Variants in CDC42SE2 observed in about 807,000 individuals in gnomAD.
The protein encoded by CDC42SE2 is CDC42 small effector protein 2.
Under a neutral mutation model 11.5 loss-of-function variants are expected in CDC42SE2, and 3 were observed. The ratio of observed to expected loss-of-function variants is 0.26; its 90% CI spans 0.12 to 0.67. CDC42SE2 has a LOEUF of 0.67. Ranked by LOEUF, CDC42SE2 falls within the 30% of genes least tolerant of loss-of-function variation. CDC42SE2 has a pLI of 0.80. For synonymous variants in CDC42SE2, 33 were observed against 34.8 expected, an observed-to-expected ratio of 0.95 and a Z score of 0.18; for missense variants, 82 against 106.8, an observed-to-expected ratio of 0.77 and a Z score of 1.02.
chr5:131,264,499 CCT>C (rs1194998577), intron 1 of CDC42SE2, among the ~76,000 whole-genome samples: 74 of 151,920 alleles, frequency 4.9e-4, no homozygotes, highest in African/African-American at 1.0e-3. Flanking sequence ...AGACCCCCCC[CCT>C]CCCCCCAACT....
chr5:131,321,906 G>A (rs1349117729), intron 2 of CDC42SE2, among the ~76,000 whole-genome samples: 3 of 152,116 alleles, frequency 2.0e-5, no homozygotes, highest in South Asian at 2.1e-4. Context: ...GCTGGAGTGC[G>A]GTGACGCGAT....
At chr5:131,259,900 G>A (rs950258573), upstream of CDC42SE2, among the ~76,000 whole-genome samples, 1 of 152,246 alleles carries the variant, frequency 6.6e-6, no homozygotes, top group Non-Finnish European at 1.5e-5. Context: ...CAGAAGAAAT[G>A]TTAGTGCCCC....
At chr5:131,307,657 G>A (rs1757808257) in intron 1 of CDC42SE2, among the ~76,000 whole-genome samples, 1 of 152,068 alleles carries the variant, frequency 6.6e-6, no homozygotes, top group African/African-American at 2.4e-5. Context: ...CTTCCACAAT[G>A]GTTGAACTAG....
At position 131,258,491 on chromosome 5, in the gene CDC42SE2, C is replaced by A. The variant is rs373286234; in HGVS notation, n.242+3262C>A. Among the ~76,000 whole-genome samples the A allele has an allele frequency of 2.7e-4, 41 of 152,068 alleles. 2 individuals are homozygous for A. The East Asian group carries it at 3.5e-3, about 13-fold the overall frequency. ...GCTCCCTTCCTCTTATCTTGTTGTC[C>A]CCAGAGGCATTTTGTTACAATTCCT... is the stretch of plus-strand genomic sequence containing the variant. On this transcript the variant is annotated intron_variant and non_coding_transcript_variant, in intron 2 of 3. Coordinates refer to the CDC42SE2 transcript ENST00000502840.
intron 3 of CDC42SE2, among the ~76,000 whole-genome samples, chr5:131,376,055 A>G (rs961690425): frequency 6.6e-6 from 1 of 152,090 alleles, no homozygotes; most frequent in African/African-American, 2.4e-5. Flanking sequence ...CCTGACCAAC[A>G]TGGTGAAACC....
intron 1 of CDC42SE2, among the ~76,000 whole-genome samples, chr5:131,247,430 A>G (rs542750042): frequency 2.0e-5 from 3 of 152,246 alleles, no homozygotes; most frequent in African/African-American, 7.2e-5. Context: ...CAGTTTGGCC[A>G]TCATGGGGAA....
At chr5:131,343,853 TG>T (rs1758770743) in intron 2 of CDC42SE2, among the ~76,000 whole-genome samples, 1 of 152,046 alleles carries the variant, frequency 6.6e-6, no homozygotes, top group South Asian at 2.1e-4. Context: ...GGAGAAGAAA[TG>T]TGGATATTAA....
chr5:131,343,313 T>A (rs1758757825), intron 2 of CDC42SE2, among the ~76,000 whole-genome samples: 1 of 152,142 alleles, frequency 6.6e-6, no homozygotes. Flanking sequence ...AAATACACAT[T>A]TCAGTCCATC....
chr5:131,384,808 C>T (rs1483344623), intron 3 of CDC42SE2, among the ~76,000 whole-genome samples: 2 of 148,780 alleles, frequency 1.3e-5, no homozygotes, highest in South Asian at 2.1e-4. Context: ...GTCAGCCAGG[C>T]GTAGTGGTGC....
intron 2 of CDC42SE2, among the ~76,000 whole-genome samples, chr5:131,255,841 G>A (rs557009356): frequency 3.2e-4 from 48 of 152,286 alleles, no homozygotes; most frequent in African/African-American, 1.1e-3. Flanking sequence ...CTACTATGCT[G>A]CAGGCATTGA....
At chr5:131,363,497 G>A (rs190383174) in intron 3 of CDC42SE2, among the ~76,000 whole-genome samples, 42 of 143,192 alleles carry the variant, frequency 2.9e-4, no homozygotes, top group African/African-American at 1.1e-3. Flanking sequence ...CTGCCTCAGC[G>A]TCCTGAGTAG....
chr5:131,334,656 C>G (rs1758509754), intron 2 of CDC42SE2, among the ~76,000 whole-genome samples: 1 of 152,138 alleles, frequency 6.6e-6, no homozygotes, highest in Non-Finnish European at 1.5e-5. Context: ...TGTTATTGTT[C>G]TATTCAGAGA....
At chr5:131,212,408 T>C in the CDC42SE2 span, among the ~76,000 whole-genome samples, 2 of 152,246 alleles carry the variant, frequency 1.3e-5, no homozygotes, top group Admixed American at 6.5e-5. Context: ...GTGCCCTCCA[T>C]GGTGTGGCAA....
chr5:131,309,458 C>G (rs1410178489), intron 1 of CDC42SE2, among the ~76,000 whole-genome samples: 2 of 152,020 alleles, frequency 1.3e-5, no homozygotes, highest in East Asian at 1.9e-4. Flanking sequence ...ATGCTGGCCT[C>G]ATAAAATGAG....
At chr5:131,390,145 A>C (rs2149791565) in intron 4 of CDC42SE2, among the ~76,000 whole-genome samples, 1 of 152,332 alleles carries the variant, frequency 6.6e-6, no homozygotes, top group East Asian at 1.9e-4. Flanking sequence ...AGAGAGGATA[A>C]ATAGTTTACC....
intron 2 of CDC42SE2, among the ~76,000 whole-genome samples, chr5:131,320,778 AT>A (rs1758170958): frequency 6.6e-6 from 1 of 152,214 alleles, no homozygotes; most frequent in Non-Finnish European, 1.5e-5. Flanking sequence ...CAATTAATAC[AT>A]TATAATTCTG....
At chr5:131,253,700 G>T (rs1756658291) in intron 1 of CDC42SE2, among the ~76,000 whole-genome samples, 1 of 152,186 alleles carries the variant, frequency 6.6e-6, no homozygotes, top group Non-Finnish European at 1.5e-5. Context: ...AGGAGGCGGA[G>T]GTTGTAGTGA....
At chr5:131,302,189 T>G (rs1757697899) in intron 1 of CDC42SE2, among the ~76,000 whole-genome samples, 1 of 151,712 alleles carries the variant, frequency 6.6e-6, no homozygotes, top group African/African-American at 2.4e-5. Context: ...TGGTTGCTTT[T>G]TTTTTTTGAG....
chr5:131,305,496 A>G (rs1757761877), intron 1 of CDC42SE2, among the ~76,000 whole-genome samples: 1 of 152,176 alleles, frequency 6.6e-6, no homozygotes. Context: ...ATCAGTTGGC[A>G]GCTTGTGATT....
Sources: allele counts gnomAD v4.1 joint callset (sites outside exome capture counted in the v4.1 genomes callset), GRCh38; gene constraint gnomAD v4.1.1; transcripts MANE v1.5; gene names NCBI Gene and HGNC (gene_info 2026-07-23, HGNC 2026-07-21).